Variants in BIRC6 observed in about 807,000 individuals in gnomAD.
BIRC6 encodes the protein dual E2 ubiquitin-conjugating enzyme/E3 ubiquitin-protein ligase BIRC6.
BIRC6 carries 98 observed loss-of-function variants against 503.3 expected under a neutral mutation model. The observed-to-expected ratio is 0.19, with a 90% CI of 0.17 to 0.23. BIRC6 has a LOEUF of 0.23. BIRC6 is among the 10% of genes least tolerant of loss of function. The pLI, the probability that BIRC6 is intolerant of heterozygous loss-of-function variation, is 1.00. For missense variants in BIRC6, 5,360 were observed against 5,806.0 expected (o/e 0.92, Z 2.50); for synonymous variants, 2,240 against 2,078.7 (o/e 1.08, Z -2.11).
chr2:32,427,406 C>G (rs1380704195), intron 10 of BIRC6, among the ~76,000 whole-genome samples: 1 of 152,098 alleles, frequency 6.6e-6, no homozygotes, highest in Non-Finnish European at 1.5e-5. Context: ...CCTCAGCCTC[C>G]TGAGTAGCTC....
At chr2:32,364,590 T>G (rs2034608663) in intron 1 of BIRC6, among the ~76,000 whole-genome samples, 1 of 152,092 alleles carries the variant, frequency 6.6e-6, no homozygotes, top group Non-Finnish European at 1.5e-5. Flanking sequence ...TCTTTGTATC[T>G]TTTTTCTTTT....
intron 72 of BIRC6, among the ~76,000 whole-genome samples, chr2:32,608,965 C>T (rs904432667): frequency 2.4e-4 from 36 of 151,914 alleles, no homozygotes; most frequent in Non-Finnish European, 4.7e-4. Context: ...CTGCACCCTC[C>T]GCCTCCCCGG....
At chr2:32,575,436 T>A in intron 66 of BIRC6, 70 bp downstream of exon 66, 1 of 1,451,734 alleles carries the variant, frequency 6.9e-7, no homozygotes, top group Non-Finnish European at 9.6e-7. Context: ...TCCATGGGTG[T>A]TTTTGTTTTT....
chr2:32,557,185 A>C (rs1026970462), intron 65 of BIRC6: 1 of 152,180 alleles, frequency 6.6e-6, no homozygotes, highest in African/African-American at 2.4e-5. Flanking sequence ...TATAATTTCC[A>C]AAGACAGTTT....
intron 55 of BIRC6, 43 bp downstream of exon 55, chr2:32,515,813 TAAGA>T: frequency 6.6e-7 from 1 of 1,515,100 alleles, no homozygotes; most frequent in East Asian, 2.3e-5. Context: ...TTTTATTACA[TAAGA>T]AAGGGCCATG....
intron 1 of BIRC6, among the ~76,000 whole-genome samples, chr2:32,360,347 G>GT (rs1194613190): frequency 5.9e-5 from 9 of 152,152 alleles, no homozygotes; most frequent in African/African-American, 2.2e-4. Flanking sequence ...GATATAAAAT[G>GT]TTTATAAATA....
intron 65 of BIRC6, among the ~76,000 whole-genome samples, chr2:32,572,526 T>G (rs2059983196): frequency 6.6e-6 from 1 of 152,248 alleles, no homozygotes; most frequent in South Asian, 2.1e-4. Flanking sequence ...TATACCTGTT[T>G]GCGCTTTTAC....
intron 66 of BIRC6, among the ~76,000 whole-genome samples, chr2:32,582,924 TATAC>T (rs760704539): frequency 6.6e-6 from 1 of 152,210 alleles, no homozygotes; most frequent in Non-Finnish European, 1.5e-5. Flanking sequence ...ATATCTCTAA[TATAC>T]ATACATACAT....
At chr2:32,404,139 A>G (rs550383267) in intron 8 of BIRC6, among the ~76,000 whole-genome samples, 1 of 151,826 alleles carries the variant, frequency 6.6e-6, no homozygotes, top group Non-Finnish European at 1.5e-5. Context: ...CATGTTGGCC[A>G]GGCTGTTCTC....
rs770018789 is a variant in BIRC6, at chr2:32,491,444, T to G, written c.8226T>G (p.Ile2742Met). ...MQLNSGSSSA[I>M]GTQESTAHLL... ...TTATAGCTGGTTCCAGCAGTGCCAT[T>G]GGAACTCAGGAGAGTACTGCTCATT... The change falls in exon 44 of 74, where the codon ATT (isoleucine) becomes ATG (methionine). Residue 2742 changes from isoleucine (I) to methionine (M), a missense_variant. Physicochemically the swap from Ile to Met is conservative, Grantham distance 10 (BLOSUM62 1). Transcript: ENST00000421745. 2.5e-6 allele frequency: 4 copies of G among 1,611,526 alleles called. No individual in the cohort carries two copies. Among genetic ancestry groups the G allele is most frequent in the Non-Finnish European group, 3.4e-6 (4 of 1,179,144 alleles).
chr2:32,563,071 G>C (rs541594197), intron 65 of BIRC6, among the ~76,000 whole-genome samples: 1 of 152,110 alleles, frequency 6.6e-6, no homozygotes, highest in South Asian at 2.1e-4. Flanking sequence ...TACGTATTTT[G>C]CCTTTCCATA....
intron 65 of BIRC6, among the ~76,000 whole-genome samples, chr2:32,574,277 C>T (rs529287850): frequency 4.4e-4 from 66 of 151,108 alleles, no homozygotes; most frequent in Non-Finnish European, 7.1e-4. Flanking sequence ...CCACGCCCAG[C>T]TAATTTTTTG....
chr2:32,385,674 A>C (rs547259723), intron 3 of BIRC6, among the ~76,000 whole-genome samples: 337 of 152,334 alleles, frequency 2.2e-3, no homozygotes, highest in Non-Finnish European at 3.3e-3. Flanking sequence ...TGTCATTGAA[A>C]GTGCTCTTAA....
In BIRC6 at chr2:32,468,636, C is replaced by T. The variant is rs751054672; in HGVS notation, c.5980C>T (p.Leu1994Phe). Reference protein sequence around the residue: ...LNLAHNAVQRLKVALGASRKM... With the variant: ...LNLAHNAVQRFKVALGASRKM... ...TTTGGCTCATAATGCAGTGCAGAGG[C>T]TCAAAGTGGCGCTAGGTGCAAGCCG... The change falls in exon 29 of 74, where the codon CTC (leucine) becomes TTC (phenylalanine). Residue 1994 changes from leucine to phenylalanine, a missense_variant. This residue lies in a region of BIRC6 where 2,299 missense variants were observed against 2,267.2 expected (regional missense o/e 1.01). Transcript: ENST00000421745. 1 of 1,613,998 alleles carries T rather than the reference C, an allele frequency of 6.2e-7. No homozygotes were observed.
At position 32,514,981 on chromosome 2, in the gene BIRC6, A is replaced by AT. The variant is rs1272461035; in HGVS notation, c.10569-3dup. 6.3e-7 allele frequency: 1 copy of AT among 1,590,734 alleles called. No individual in the cohort carries two copies. Among genetic ancestry groups the AT allele is most frequent in the Non-Finnish European group, 8.6e-7 (1 of 1,164,034 alleles). ...TTGTATCATTAATATGATATCTTTT[A>AT]TTTTTTAGGTTACTTTTTAATTGGT... On this transcript the variant is annotated splice_polypyrimidine_tract_variant and intron_variant, in intron 54 of 73. Transcript: ENST00000421745.
chr2:32,550,578 A>G (rs2058356800), intron 65 of BIRC6, among the ~76,000 whole-genome samples: 1 of 152,094 alleles, frequency 6.6e-6, no homozygotes, highest in African/African-American at 2.4e-5. Context: ...ATATAGAACA[A>G]TTGAATAGGG....
chr2:32,487,240 A>T lies in BIRC6; in HGVS notation c.7814-407A>T, dbSNP rs184621083. The stretch of plus-strand genomic sequence containing the variant: ...ATCAGAACTTCTGAAAGCTCCCCAG[A>T]TGATTCTAATCTATAGTCAAGGTTA... On this transcript the variant is annotated intron_variant, in intron 40 of 73. Coordinates refer to ENST00000421745, the MANE Select transcript of BIRC6 (RefSeq NM_016252.4). Among the ~76,000 whole-genome samples, 530 of 152,298 alleles carry T rather than the reference A, an allele frequency of 3.5e-3. 6 individuals are homozygous for T. The highest frequency in any genetic ancestry group is 0.012 in the African/African-American group (518 of 41,568).
intron 55 of BIRC6, among the ~76,000 whole-genome samples, chr2:32,517,197 C>G (rs567039010): frequency 6.6e-6 from 1 of 151,890 alleles, no homozygotes; most frequent in Non-Finnish European, 1.5e-5. Context: ...CAAAATTAGC[C>G]GGGCATGGTG....
chr2:32,417,277 T>C (rs2042478481), intron 10 of BIRC6, among the ~76,000 whole-genome samples: 2 of 152,112 alleles, frequency 1.3e-5, no homozygotes, highest in South Asian at 4.1e-4. Context: ...CTACAGTGCA[T>C]AGCTGGGACT....
Sources: allele counts gnomAD v4.1 joint callset (sites outside exome capture counted in the v4.1 genomes callset), GRCh38; gene constraint gnomAD v4.1.1; regional missense constraint gnomAD v4.1.1; transcripts MANE v1.5; gene names NCBI Gene and HGNC (gene_info 2026-07-23, HGNC 2026-07-21).